Variants in IL4R observed in about 807,000 individuals in gnomAD.
IL4R encodes interleukin 4 receptor.
A neutral mutation model predicts 41.5 loss-of-function variants in IL4R; 17 were observed. The ratio of observed to expected loss-of-function variants is 0.41; its 90% CI spans 0.28 to 0.61. IL4R has a LOEUF of 0.61. IL4R is among the 20% of genes least tolerant of loss of function. The pLI is 0.31. For missense variants in IL4R, 974 were observed against 1,043.1 expected (o/e 0.93, Z 0.91); for synonymous variants, 402 against 422.9 (o/e 0.95, Z 0.61).
intron 2 of IL4R, among the ~76,000 whole-genome samples, chr16:27,331,077 C>T (rs1032021555): frequency 6.6e-6 from 1 of 152,086 alleles, no homozygotes; most frequent in African/African-American, 2.4e-5. Flanking sequence ...AAATTTGCCA[C>T]TCCCCTGCTC....
At position 27,363,616 on chromosome 16, in the gene IL4R, C is replaced by CT. The variant is rs767634427; in HGVS notation, c.2265dup (p.Thr756TyrfsTer35). ...TGCTGTGGAGACAGGTCCTCGCCCC[C>CT]TACAACCCCCCTGAGGGCCCCAGAC... On this transcript the variant is annotated frameshift_variant, in exon 11 of 11. Transcript: ENST00000395762. LOFTEE classifies it low-confidence loss of function (END_TRUNC). The CT allele has an allele frequency of 2.4e-5, 39 of 1,613,842 alleles. No individual in the cohort carries two copies. Among genetic ancestry groups the CT allele is most frequent in the Non-Finnish European group, 3.1e-5 (36 of 1,179,974 alleles).
At chr16:27,359,728 AG>A in intron 9 of IL4R, 1 of 446,750 alleles carries the variant, frequency 2.2e-6, no homozygotes, top group Non-Finnish European at 4.6e-6. Context: ...TTTACCTGGT[AG>A]GACAGATATT....
At chr16:27,332,346 G>T (rs1033344794) in intron 2 of IL4R, among the ~76,000 whole-genome samples, 2 of 152,054 alleles carry the variant, frequency 1.3e-5, no homozygotes, top group Non-Finnish European at 1.5e-5. Context: ...CAAGGAAAGG[G>T]GGGGAAAGCC....
chr16:27,314,136 T>G (rs2084553614), intron 1 of IL4R, 116 bp downstream of exon 1: 1 of 943,788 alleles, frequency 1.1e-6, no homozygotes. Flanking sequence ...CCACCCCGAC[T>G]CCGAGCGGGG....
At chr16:27,319,291 C>T (rs1001449865) in intron 1 of IL4R, among the ~76,000 whole-genome samples, 5 of 152,208 alleles carry the variant, frequency 3.3e-5, no homozygotes, top group African/African-American at 7.2e-5. Context: ...TGTAATAACC[C>T]TACCAGATAG....
chr16:27,331,884 T>G (rs1351433558), intron 2 of IL4R, among the ~76,000 whole-genome samples: 1 of 152,204 alleles, frequency 6.6e-6, no homozygotes, highest in Non-Finnish European at 1.5e-5. Context: ...CCCTTTGTTG[T>G]TAGTTGCCTA....
At position 27,363,624 on chromosome 16, in the gene IL4R, C is replaced by T; in HGVS notation, c.2272C>T (p.Pro758Ser). ...AGACAGGTCCTCGCCCCCTACAACCCCCCTGAGGGCCCCAGACCCCTCTCC... is the reference window on the plus strand; with the variant it reads ...AGACAGGTCCTCGCCCCCTACAACCTCCCTGAGGGCCCCAGACCCCTCTCC... ...CGDRSSPPTT[P>S]LRAPDPSPGG... The change falls in exon 11 of 11, where the codon CCC (proline) becomes TCC (serine). Residue 758 changes from proline (P) to serine (S), a missense_variant. Pro to Ser is a moderately conservative substitution (Grantham distance 74). Coordinates refer to ENST00000395762, the MANE Select transcript of IL4R (RefSeq NM_000418.4). 1 of 1,613,902 alleles carries T rather than the reference C, an allele frequency of 6.2e-7. No homozygotes were observed. The highest frequency in any genetic ancestry group is 8.5e-7 in the Non-Finnish European group (1 of 1,179,932).
At chr16:27,325,527 T>A (rs2141073228) in intron 1 of IL4R, among the ~76,000 whole-genome samples, 1 of 150,408 alleles carries the variant, frequency 6.6e-6, no homozygotes, top group South Asian at 2.1e-4. Context: ...TGAACTGAGA[T>A]CCCACCATTG....
intron 1 of IL4R, among the ~76,000 whole-genome samples, chr16:27,328,346 C>T (rs370815665): frequency 6.6e-6 from 1 of 151,042 alleles, no homozygotes; most frequent in Non-Finnish European, 1.5e-5. Flanking sequence ...TGGGTTCAAG[C>T]GATTCTCCTG....
intron 2 of IL4R, among the ~76,000 whole-genome samples, chr16:27,336,933 T>C (rs1016177091): frequency 6.6e-6 from 1 of 151,326 alleles, no homozygotes; most frequent in African/African-American, 2.4e-5. Context: ...ACAAAATTAG[T>C]TGGGTGTGTG....
chr16:27,346,445 A>C, intron 5 of IL4R, 22 bp from the exon 6 acceptor site: 1 of 1,613,892 alleles, frequency 6.2e-7, no homozygotes, highest in Non-Finnish European at 8.5e-7. Flanking sequence ...AGATCCTCAC[A>C]TAGAGGCCGC....
intron 2 of IL4R, among the ~76,000 whole-genome samples, chr16:27,333,347 A>G (rs1407038734): frequency 6.6e-6 from 1 of 151,942 alleles, no homozygotes; most frequent in East Asian, 1.9e-4. Flanking sequence ...AGGATGGCCA[A>G]CTCTGCCCGG....
intron 2 of IL4R, among the ~76,000 whole-genome samples, chr16:27,330,557 C>T (rs549479071): frequency 6.6e-6 from 1 of 151,996 alleles, no homozygotes; most frequent in Non-Finnish European, 1.5e-5. Context: ...TTTACTTGTA[C>T]TCATTTTTGT....
Position 27,339,653 on chromosome 16 carries a change from C to T in IL4R, c.-18-533C>T, listed in dbSNP as rs1040181935. 4.4e-4 allele frequency among the ~76,000 whole-genome samples: 67 copies of T among 152,218 alleles called. 1 individual carries two copies. The highest frequency in any genetic ancestry group is 1.5e-3 in the African/African-American group (63 of 41,556). ...CCACATCCAGAAGCATCTCCCAGGACAGTTGTTGTGTAGCTCACCCTCTGG... is the reference window on the plus strand; with the variant it reads ...CCACATCCAGAAGCATCTCCCAGGATAGTTGTTGTGTAGCTCACCCTCTGG... On this transcript the variant is annotated intron_variant, in intron 2 of 10. Coordinates refer to ENST00000395762, the MANE Select transcript of IL4R (RefSeq NM_000418.4).
At chr16:27,360,914 A>G in intron 10 of IL4R, 99 bp downstream of exon 10, 1 of 1,608,598 alleles carries the variant, frequency 6.2e-7, no homozygotes, top group Non-Finnish European at 8.5e-7. Context: ...TCTTCCCTGC[A>G]TTCGGTAATT....
At chr16:27,360,556 T>G (rs182925042) in intron 9 of IL4R, among the ~76,000 whole-genome samples, 11 of 152,210 alleles carry the variant, frequency 7.2e-5, no homozygotes, top group Non-Finnish European at 1.2e-4. Context: ...AGCACTCCTC[T>G]GTGGCCACTT....
chr16:27,363,012 C>G lies in IL4R; in HGVS notation c.1660C>G (p.Leu554Val). Residue 554 changes from leucine (L) to valine (V), a missense_variant, in exon 11 of 11, where the codon CTC becomes GTC. This residue lies in a region of IL4R where 682 missense variants were observed against 704.3 expected (regional missense o/e 0.97). Transcript: ENST00000395762. Reference protein sequence around the residue: ...QPEPETWEQILRRNVLQHGAA... With the variant: ...QPEPETWEQIVRRNVLQHGAA... ...TGAGCCAGAAACCTGGGAGCAGATCCTCCGCCGAAATGTCCTCCAGCATGG... is the reference window on the plus strand; with the variant it reads ...TGAGCCAGAAACCTGGGAGCAGATCGTCCGCCGAAATGTCCTCCAGCATGG... 1 of 1,614,172 alleles carries G rather than the reference C, an allele frequency of 6.2e-7. No homozygotes were observed. Among genetic ancestry groups the G allele is most frequent in the Non-Finnish European group, 8.5e-7 (1 of 1,180,038 alleles).
intron 9 of IL4R, among the ~76,000 whole-genome samples, chr16:27,359,313 G>A (rs1257676522): frequency 1.3e-5 from 2 of 152,230 alleles, no homozygotes; most frequent in Non-Finnish European, 2.9e-5. Flanking sequence ...ACCAGGGCTA[G>A]AGGCCAGAAG....
intron 2 of IL4R, among the ~76,000 whole-genome samples, chr16:27,332,231 G>A (rs2085130793): frequency 6.6e-6 from 1 of 152,060 alleles, no homozygotes; most frequent in Admixed American, 6.6e-5. Context: ...AAAGAGGTTT[G>A]ACTCACAGTT....
Sources: gnomAD v4.1 joint callset for allele counts (sites outside exome capture counted in the v4.1 genomes callset) on GRCh38, gnomAD v4.1.1 for gene constraint, gnomAD v4.1.1 regional missense constraint, MANE v1.5 for transcripts, NCBI Gene and HGNC (gene_info 2026-07-23, HGNC 2026-07-21) for gene names.